Variants in SRGAP1 observed in about 807,000 individuals in gnomAD.
The protein encoded by SRGAP1 is SLIT-ROBO Rho GTPase activating protein 1.
In SRGAP1, 43 loss-of-function variants were observed where a neutral mutation model predicts 121.9. The ratio of observed to expected loss-of-function variants is 0.35; its 90% CI spans 0.28 to 0.46. SRGAP1 has a LOEUF of 0.46. Among genes scored for constraint, SRGAP1 ranks in the 20% least tolerant of loss-of-function variants. The pLI is 1.00. For synonymous variants in SRGAP1, 447 were observed against 485.4 expected (o/e 0.92, Z 1.04); for missense variants, 1,102 against 1,350.9 (o/e 0.82, Z 2.89).
chr12:63,985,615 A>G (rs2033392730), intron 2 of SRGAP1, among the ~76,000 whole-genome samples: 2 of 152,192 alleles, frequency 1.3e-5, no homozygotes, highest in Non-Finnish European at 2.9e-5. Flanking sequence ...TTACATATAA[A>G]TTTCTAGGGG....
At chr12:63,975,055 A>T (rs2033057272) in intron 1 of SRGAP1, among the ~76,000 whole-genome samples, 2 of 152,160 alleles carry the variant, frequency 1.3e-5, no homozygotes, top group South Asian at 4.1e-4. Context: ...TTTTTTCATT[A>T]TACATTTAAT....
At chr12:64,025,888 A>G (rs565586246) in intron 4 of SRGAP1, among the ~76,000 whole-genome samples, 45 of 152,322 alleles carry the variant, frequency 3.0e-4, no homozygotes, top group African/African-American at 1.0e-3. Flanking sequence ...AATGATCGGG[A>G]TTAATAAAAT....
chr12:63,869,000 CAAATT>C (rs1348619835), intron 1 of SRGAP1, among the ~76,000 whole-genome samples: 2 of 152,160 alleles, frequency 1.3e-5, no homozygotes, highest in African/African-American at 2.4e-5. Flanking sequence ...ATGTGCCAGA[CAAATT>C]AAAAAACTAA....
intron 16 of SRGAP1, 45 bp downstream of exon 16, chr12:64,109,082 C>G: frequency 7.7e-7 from 1 of 1,306,774 alleles, no homozygotes; most frequent in Non-Finnish European, 1.1e-6. Flanking sequence ...TGAATTCTGT[C>G]TTTGTTCTTC....
At chr12:63,861,302 A>ATATATTTTT (rs1184711599) in intron 1 of SRGAP1, among the ~76,000 whole-genome samples, 2 of 132,624 alleles carry the variant, frequency 1.5e-5, no homozygotes, top group African/African-American at 5.7e-5. Flanking sequence ...ATATATATAT[A>ATATATTTTT]TTTTTTTTTT....
chr12:64,086,322 C>A (rs2035938461), intron 10 of SRGAP1, among the ~76,000 whole-genome samples: 1 of 152,128 alleles, frequency 6.6e-6, no homozygotes, highest in African/African-American at 2.4e-5. Flanking sequence ...TTGTCGGAGC[C>A]CTACAAAAAT....
At chr12:63,935,217 C>T (rs1477227700) in intron 1 of SRGAP1, among the ~76,000 whole-genome samples, 9 of 152,196 alleles carry the variant, frequency 5.9e-5, no homozygotes, top group African/African-American at 2.2e-4. Flanking sequence ...TATGGAGAGT[C>T]TGAGCAATGG....
At chr12:64,021,924 A>T (rs2034559178) in intron 4 of SRGAP1, among the ~76,000 whole-genome samples, 1 of 152,234 alleles carries the variant, frequency 6.6e-6, no homozygotes, top group Non-Finnish European at 1.5e-5. Flanking sequence ...TTTTGAGTTA[A>T]ACATTTGAAA....
intron 14 of SRGAP1, among the ~76,000 whole-genome samples, chr12:64,095,452 C>T (rs997170647): frequency 1.3e-5 from 2 of 152,144 alleles, no homozygotes; most frequent in Non-Finnish European, 2.9e-5. Flanking sequence ...ATAATCGGTG[C>T]CAGGTATAGC....
chr12:64,027,708 G>A (rs892777456), intron 4 of SRGAP1, among the ~76,000 whole-genome samples: 2 of 152,106 alleles, frequency 1.3e-5, no homozygotes, highest in Non-Finnish European at 2.9e-5. Flanking sequence ...AAAGCAGTTT[G>A]CAAACTCAAA....
At chr12:64,064,673 G>A (rs1227476503) in intron 7 of SRGAP1, among the ~76,000 whole-genome samples, 3 of 152,160 alleles carry the variant, frequency 2.0e-5, no homozygotes, top group Admixed American at 2.0e-4. Context: ...CACCTGGCTG[G>A]TAGGGGACAG....
At chr12:64,003,933 GA>G (rs1418925907) in intron 3 of SRGAP1, among the ~76,000 whole-genome samples, 1 of 151,948 alleles carries the variant, frequency 6.6e-6, no homozygotes, top group African/African-American at 2.4e-5. Context: ...TAAAGACAAA[GA>G]AAAAAATATT....
chr12:63,848,018 T>C (rs2136250195), intron 1 of SRGAP1, among the ~76,000 whole-genome samples: 1 of 150,662 alleles, frequency 6.6e-6, no homozygotes, highest in East Asian at 1.9e-4. Flanking sequence ...TATATATATA[T>C]ATATATAAAA....
At chr12:63,875,095 G>A (rs975223396) in intron 1 of SRGAP1, among the ~76,000 whole-genome samples, 2 of 152,186 alleles carry the variant, frequency 1.3e-5, no homozygotes, top group Admixed American at 6.5e-5. Context: ...TTTTAGTTTT[G>A]TAGAGATGGG....
rs1344041346 is a variant in SRGAP1, at chr12:64,152,914, A to T, written c.*10242A>T. ...GAGTGTACTTCCTGGTATGATTTAA[A>T]AAAAAAAAAAAAAAAAAAAAAACCA... On this transcript the variant is annotated 3_prime_UTR_variant, in exon 22 of 22. Coordinates refer to ENST00000355086, the MANE Select transcript of SRGAP1 (RefSeq NM_020762.4). 2.4e-5 allele frequency: 2 copies of T among 83,368 alleles called. No homozygotes were observed. The highest frequency in any genetic ancestry group is 4.2e-5 in the African/African-American group (1 of 23,752). 5.2% of individuals were successfully genotyped at this position (83,368 alleles called of 1,614,324 possible).
intron 3 of SRGAP1, among the ~76,000 whole-genome samples, chr12:64,014,758 T>TTTGTTG (rs56666934): frequency 2.0e-5 from 3 of 151,478 alleles, no homozygotes; most frequent in Non-Finnish European, 4.4e-5. Flanking sequence ...CATAAGGGAA[T>TTTGTTG]TTGTTGTTGT....
At chr12:63,938,477 C>T (rs1421396079) in intron 1 of SRGAP1, among the ~76,000 whole-genome samples, 1 of 152,110 alleles carries the variant, frequency 6.6e-6, no homozygotes, top group Non-Finnish European at 1.5e-5. Flanking sequence ...TTGAGAAAGA[C>T]CCCTTACCTT....
chr12:63,850,787 C>T (rs1427250904), intron 1 of SRGAP1, among the ~76,000 whole-genome samples: 3 of 152,032 alleles, frequency 2.0e-5, no homozygotes, highest in Admixed American at 6.6e-5. Flanking sequence ...AAACAACTAA[C>T]AAAATAAAGA....
intron 1 of SRGAP1, among the ~76,000 whole-genome samples, chr12:63,922,223 C>T (rs1453567122): frequency 6.6e-6 from 1 of 152,128 alleles, no homozygotes; most frequent in Non-Finnish European, 1.5e-5. Flanking sequence ...AAGTGATCCA[C>T]CCACCTCAGC....
Sources: gnomAD v4.1 joint callset for allele counts (sites outside exome capture counted in the v4.1 genomes callset) on GRCh38, gnomAD v4.1.1 for gene constraint, MANE v1.5 for transcripts, NCBI Gene and HGNC (gene_info 2026-07-23, HGNC 2026-07-21) for gene names.